Variants in FHIT observed in about 807,000 individuals in gnomAD.
FHIT encodes the protein fragile histidine triad diadenosine triphosphatase, also known as bis(5'-adenosyl)-triphosphatase.
Under a neutral mutation model 17.9 loss-of-function variants are expected in FHIT, and 19 were observed. That is an observed-to-expected ratio of 1.06 (90% CI 0.74 to 1.56). The LOEUF is 1.56. FHIT is among the 40% of genes most tolerant of loss of function. The pLI, the probability that FHIT is intolerant of heterozygous loss-of-function variation, is 0.00. For synonymous variants in FHIT, 81 were observed against 69.7 expected, an observed-to-expected ratio of 1.16 and a Z score of -0.81; for missense variants, 248 against 189.2, an observed-to-expected ratio of 1.31 and a Z score of -1.82.
chr3:60,944,585 G>A (rs1227983804), intron 3 of FHIT, among the ~76,000 whole-genome samples: 3 of 152,172 alleles, frequency 2.0e-5, no homozygotes, highest in Non-Finnish European at 4.4e-5. Context: ...ACTTTGATAT[G>A]ACATCATAAA....
intron 7 of FHIT, among the ~76,000 whole-genome samples, chr3:59,952,572 C>T (rs1421012819): frequency 3.3e-5 from 5 of 152,166 alleles, no homozygotes; most frequent in African/African-American, 1.2e-4. Flanking sequence ...ATGCCACATT[C>T]CTGCTCAACA....
chr3:60,726,342 T>G (rs1716753), intron 4 of FHIT, among the ~76,000 whole-genome samples: 92,018 of 152,058 alleles, frequency 0.61, 28,675 homozygotes, highest in East Asian at 0.89. Context: ...ACTTCCAATC[T>G]GAAAATTAGG....
chr3:60,305,753 C>A (rs1351637745), intron 5 of FHIT, among the ~76,000 whole-genome samples: 1 of 152,036 alleles, frequency 6.6e-6, no homozygotes, highest in Non-Finnish European at 1.5e-5. Flanking sequence ...AATAGACTGT[C>A]GATTTGTTTT....
chr3:60,266,047 CTAGT>C (rs778936149), intron 5 of FHIT, among the ~76,000 whole-genome samples: 8 of 151,982 alleles, frequency 5.3e-5, no homozygotes, highest in Non-Finnish European at 1.2e-4. Context: ...AATTCCACTC[CTAGT>C]TATACACCCA....
intron 5 of FHIT, among the ~76,000 whole-genome samples, chr3:60,177,129 G>A (rs1032745921): frequency 9.2e-5 from 14 of 152,158 alleles, no homozygotes; most frequent in Admixed American, 3.9e-4. Context: ...GTGAATTTAT[G>A]TACAAAACCA....
chr3:61,209,101 G>T (rs367569552), intron 1 of FHIT, among the ~76,000 whole-genome samples: 8 of 152,092 alleles, frequency 5.3e-5, no homozygotes, highest in Admixed American at 3.3e-4. Context: ...GATATGAAAT[G>T]CTGGGTTGAA....
chr3:60,198,538 G>GA (rs34217736), intron 5 of FHIT, among the ~76,000 whole-genome samples: 45,811 of 151,964 alleles, frequency 0.3, 7,534 homozygotes, highest in East Asian at 0.66. Flanking sequence ...GTCGTGAGTT[G>GA]TTTAATTTTC....
intron 5 of FHIT, among the ~76,000 whole-genome samples, chr3:60,169,019 T>G (rs906107749): frequency 5.9e-5 from 9 of 152,204 alleles, no homozygotes; most frequent in African/African-American, 2.2e-4. Flanking sequence ...GTTGGAGGAT[T>G]CTTTGAATAT....
intron 3 of FHIT, among the ~76,000 whole-genome samples, chr3:60,900,957 T>C (rs1015693715): frequency 6.6e-5 from 10 of 152,180 alleles, no homozygotes; most frequent in African/African-American, 2.4e-4. Flanking sequence ...TTTGTATTTT[T>C]AGTAGAGACG....
chr3:59,992,471 G>C (rs3772499), intron 7 of FHIT, among the ~76,000 whole-genome samples: 50,347 of 151,848 alleles, frequency 0.33, 10,176 homozygotes, highest in East Asian at 0.53. Flanking sequence ...TTCCCTATTA[G>C]CGCATCTTTA....
In FHIT at chr3:59,962,567, G is replaced by A. The variant is rs185665552; in HGVS notation, c.280-40153C>T. ...TAAATTATTATTGTCCTAAGCAAAA[G>A]GACAGCTAATGAATTCCTAAATGAC... On this transcript the variant is annotated intron_variant, in intron 7 of 9. Transcript: ENST00000492590. 7.4e-3 allele frequency among the ~76,000 whole-genome samples: 1,119 copies of A among 152,240 alleles called. 6 individuals carry two copies. Among genetic ancestry groups the A allele is most frequent in the Non-Finnish European group, 0.012 (848 of 68,020 alleles).
At chr3:60,179,250 T>C (rs367973614) in intron 5 of FHIT, among the ~76,000 whole-genome samples, 7 of 152,168 alleles carry the variant, frequency 4.6e-5, no homozygotes, top group African/African-American at 1.2e-4. Flanking sequence ...CCAAAGTTCA[T>C]AGATGCCACA....
rs144361909 is a variant in FHIT at position 60,932,641 on chromosome 3, G to T, written c.-111+109406C>A. Among the ~76,000 whole-genome samples the T allele has an allele frequency of 3.9e-5, 6 of 152,204 alleles. No homozygotes were observed. The East Asian group carries it at 1.2e-3, about 29-fold the overall frequency. ...CTAATTCCTAGCTAGGGCTCTCATT[G>T]GATTCTTGTAATTCTGTTCTCTGTC... On this transcript the variant is annotated intron_variant, in intron 3 of 9. Coordinates refer to ENST00000492590, the MANE Select transcript of FHIT (RefSeq NM_002012.4).
intron 5 of FHIT, among the ~76,000 whole-genome samples, chr3:60,229,848 G>C (rs1704406528): frequency 6.6e-6 from 1 of 152,168 alleles, no homozygotes; most frequent in African/African-American, 2.4e-5. Context: ...CAGGCATGGT[G>C]ATGCACGCCT....
intron 8 of FHIT, among the ~76,000 whole-genome samples, chr3:59,857,243 G>T (rs1331546602): frequency 6.6e-6 from 1 of 152,098 alleles, no homozygotes; most frequent in Non-Finnish European, 1.5e-5. Flanking sequence ...GGCTTCAGAG[G>T]GCAGGAATGA....
At chr3:60,661,810 C>T (rs2040254051) in intron 4 of FHIT, among the ~76,000 whole-genome samples, 1 of 152,078 alleles carries the variant, frequency 6.6e-6, no homozygotes, top group African/African-American at 2.4e-5. Context: ...TTAGTGATGT[C>T]AAGCAGTTTT....
chr3:59,950,906 G>A (rs1360481893), intron 7 of FHIT, among the ~76,000 whole-genome samples: 1 of 152,212 alleles, frequency 6.6e-6, no homozygotes, highest in Non-Finnish European at 1.5e-5. Context: ...GGTGACCACA[G>A]TAATAGTATT....
chr3:61,094,007 G>A (rs1248273399), intron 2 of FHIT, among the ~76,000 whole-genome samples: 3 of 152,178 alleles, frequency 2.0e-5, no homozygotes, highest in Non-Finnish European at 4.4e-5. Flanking sequence ...TAGACTCCAA[G>A]TTCAAATGAG....
At chr3:60,910,162 T>A (rs545282218) in intron 3 of FHIT, among the ~76,000 whole-genome samples, 21 of 152,300 alleles carry the variant, frequency 1.4e-4, no homozygotes, top group African/African-American at 4.8e-4. Flanking sequence ...TGTGACTCAA[T>A]CTAACCAATC....
Sources: gnomAD v4.1 joint callset for allele counts (sites outside exome capture counted in the v4.1 genomes callset) on GRCh38, gnomAD v4.1.1 for gene constraint, MANE v1.5 for transcripts, NCBI Gene and HGNC (gene_info 2026-07-23, HGNC 2026-07-21) for gene names.